CCDC33: variants seen among roughly 807,000 people sequenced by gnomAD.
The protein encoded by CCDC33 is coiled-coil domain containing 33, also known as coiled-coil domain-containing protein 33.
Under a neutral mutation model 91.9 loss-of-function variants are expected in CCDC33, and 94 were observed. The ratio of observed to expected loss-of-function variants is 1.02; its 90% CI spans 0.87 to 1.21. CCDC33 has a LOEUF of 1.21. CCDC33 is among the 50% of genes most tolerant of loss of function. The pLI is 0.00. For missense variants in CCDC33, 940 were observed against 935.5 expected, an observed-to-expected ratio of 1.00 and a Z score of -0.06; for synonymous variants, 396 against 374.5, an observed-to-expected ratio of 1.06 and a Z score of -0.66.
intron 5 of CCDC33, among the ~76,000 whole-genome samples, chr15:74,269,500 C>T (rs1056701563): frequency 6.6e-6 from 1 of 152,206 alleles, no homozygotes; most frequent in African/African-American, 2.4e-5. Flanking sequence ...CCTCTGCTCC[C>T]CGCCACCTTC....
upstream of CCDC33, among the ~76,000 whole-genome samples, chr15:74,232,372 C>T (rs2075005798): frequency 2.0e-5 from 3 of 152,152 alleles, no homozygotes; most frequent in Admixed American, 2.0e-4. Context: ...GCCTTGGGGG[C>T]TGGAACCTGT....
At chr15:74,238,548 A>C (rs1382083666) in intron 1 of CCDC33, among the ~76,000 whole-genome samples, 6 of 152,120 alleles carry the variant, frequency 3.9e-5, no homozygotes, top group Admixed American at 3.9e-4. Context: ...TAGGGATATT[A>C]ATCCTTTTTT....
intron 2 of CCDC33, among the ~76,000 whole-genome samples, chr15:74,251,147 G>T (rs760601142): frequency 6.6e-6 from 1 of 152,256 alleles, no homozygotes; most frequent in African/African-American, 2.4e-5. Context: ...GGCCTGCCTG[G>T]CTGGCTTGTG....
intron 4 of CCDC33, among the ~76,000 whole-genome samples, chr15:74,267,268 A>C (rs2076190104): frequency 6.6e-6 from 1 of 152,202 alleles, no homozygotes; most frequent in Non-Finnish European, 1.5e-5. Flanking sequence ...GGCAGAGTTG[A>C]GGGTGAGCCC....
intron 2 of CCDC33, among the ~76,000 whole-genome samples, chr15:74,221,758 GCTAA>G (rs1039566817): frequency 2.0e-4 from 31 of 152,272 alleles, no homozygotes; most frequent in South Asian, 4.2e-4. Flanking sequence ...CACCTAGAGG[GCTAA>G]CTATTTCCAG....
intron 3 of CCDC33, among the ~76,000 whole-genome samples, chr15:74,263,830 G>C (rs1031057686): frequency 6.6e-6 from 1 of 152,162 alleles, no homozygotes; most frequent in Non-Finnish European, 1.5e-5. Flanking sequence ...TTATATGTGT[G>C]TCTGGATGAA....
intron 11 of CCDC33, among the ~76,000 whole-genome samples, chr15:74,307,309 A>G (rs1218423558): frequency 6.6e-6 from 1 of 152,128 alleles, no homozygotes; most frequent in Admixed American, 6.5e-5. Flanking sequence ...TAATAACACT[A>G]AGTGTTCCCA....
At chr15:74,226,844 G>T (rs1483585468) in intron 2 of CCDC33, among the ~76,000 whole-genome samples, 5 of 151,114 alleles carry the variant, frequency 3.3e-5, no homozygotes, top group Admixed American at 1.3e-4. Context: ...AAAAAAAAAA[G>T]GTGGAGGACA....
chr15:74,268,276 A>T lies in CCDC33; in HGVS notation c.430-66A>T. Reference sequence around the variant, plus strand: ...TGATTGTCTGCAGAGGGCTGGATTTATGGCCAGGATCTGCCCCTTAGACAC... The same window carrying T: ...TGATTGTCTGCAGAGGGCTGGATTTTTGGCCAGGATCTGCCCCTTAGACAC... On this transcript the variant is annotated intron_variant, in intron 4 of 18. Coordinates refer to ENST00000398814, the MANE Select transcript of CCDC33 (RefSeq NM_025055.5). 4 of 1,147,902 alleles carry T rather than the reference A, an allele frequency of 3.5e-6. No homozygotes were observed. The South Asian group carries it at 3.7e-5, about 11-fold the overall frequency. 71.1% of individuals were successfully genotyped at this position (1,147,902 alleles called of 1,614,324 possible).
rs183733662 is a variant in CCDC33 at position 74,247,633 on chromosome 15, G to A, written c.185+3485G>A. Among the ~76,000 whole-genome samples, 4 of 152,296 alleles carry A rather than the reference G, an allele frequency of 2.6e-5. No individual in the cohort carries two copies. The East Asian group carries it at 7.7e-4, about 29-fold the overall frequency. The stretch of plus-strand genomic sequence containing the variant: ...CATAATCCCACTTAATGGAATCTAA[G>A]ATAAACTCATAGATGCAGAGAGTAG... On this transcript the variant is annotated intron_variant, in intron 2 of 18. Coordinates refer to ENST00000398814, the MANE Select transcript of CCDC33 (RefSeq NM_025055.5).
At chr15:74,237,986 GGT>G (rs1047080719) in intron 1 of CCDC33, among the ~76,000 whole-genome samples, 6 of 151,780 alleles carry the variant, frequency 4.0e-5, no homozygotes, top group Non-Finnish European at 8.8e-5. Context: ...AAATTAGCTG[GGT>G]GTGTTGGTGC....
intron 7 of CCDC33, among the ~76,000 whole-genome samples, chr15:74,279,669 TG>T (rs1210997014): frequency 6.6e-6 from 1 of 152,148 alleles, no homozygotes; most frequent in African/African-American, 2.4e-5. Context: ...CCTGGGTAGC[TG>T]GGATTACAGG....
chr15:74,234,383 C>T (rs993300962), upstream of CCDC33, among the ~76,000 whole-genome samples: 26 of 152,330 alleles, frequency 1.7e-4, no homozygotes, highest in African/African-American at 6.0e-4. Context: ...AGCAAGCCCA[C>T]TTCTCTGGGC....
In CCDC33 at chr15:74,243,989, C is replaced by T. The variant is rs1317765221; in HGVS notation, c.26C>T (p.Thr9Ile). The change falls in exon 2 of 19, where the codon ACT becomes ATT. Residue 9 changes from threonine (T) to isoleucine (I), a missense_variant. Coordinates refer to ENST00000398814, the MANE Select transcript of CCDC33 (RefSeq NM_025055.5). ...CAGCCCTGGCTCTCCCCACAGAACA[C>T]TGAAGACCCAGAGGAGCCCCTGATC... The part of the protein sequence containing the change: MGLKNKKN[T>I]EDPEEPLIAS... 3 of 1,611,112 alleles carry T rather than the reference C, an allele frequency of 1.9e-6. No individual in the cohort carries two copies. Among genetic ancestry groups the T allele is most frequent in the East Asian group, 2.2e-5 (1 of 44,836 alleles).
chr15:74,224,266 G>A (rs1341322116), intron 2 of CCDC33, among the ~76,000 whole-genome samples: 1 of 152,088 alleles, frequency 6.6e-6, no homozygotes, highest in Non-Finnish European at 1.5e-5. Context: ...TAAATACATC[G>A]TGATCACCCT....
chr15:74,216,391 G>A (rs1347048502), upstream of CCDC33, among the ~76,000 whole-genome samples: 1 of 150,694 alleles, frequency 6.6e-6, no homozygotes, highest in East Asian at 2.0e-4. Flanking sequence ...CAAACAGAAG[G>A]GATCTCCTGA....
intron 2 of CCDC33, among the ~76,000 whole-genome samples, chr15:74,253,431 C>T (rs1291236341): frequency 6.6e-6 from 1 of 152,174 alleles, no homozygotes; most frequent in Admixed American, 6.5e-5. Flanking sequence ...CGATTAGGCT[C>T]CTCCTACCCC....
intron 17 of CCDC33, 57 bp downstream of exon 17, chr15:74,334,024 C>A: frequency 1.4e-6 from 2 of 1,445,402 alleles, no homozygotes; most frequent in Non-Finnish European, 1.9e-6. Flanking sequence ...CAGCCTATAA[C>A]CAGGGCTCAG....
Position 74,331,276 on chromosome 15 carries a change from A to T in CCDC33, c.1751A>T (p.Gln584Leu). Residue 584 changes from glutamine to leucine, a missense_variant, in exon 15 of 19, where the codon CAG becomes CTG. Gln to Leu is a moderately radical substitution (Grantham distance 113). Transcript: ENST00000398814. ...DRSKPPPLNR[Q>L]QGKPYTGFPM... ...AGCAAGCCCCCTCCTCTGAACAGGC[A>T]GCAGGGAAAGCCCTACACGGGTGGG... 6.2e-7 allele frequency: 1 copy of T among 1,614,066 alleles called. No individual in the cohort carries two copies. Among genetic ancestry groups the T allele is most frequent in the Non-Finnish European group, 8.5e-7 (1 of 1,179,956 alleles).
Sources: gnomAD v4.1 joint callset for allele counts (sites outside exome capture counted in the v4.1 genomes callset) on GRCh38, gnomAD v4.1.1 for gene constraint, MANE v1.5 for transcripts, NCBI Gene and HGNC (gene_info 2026-07-23, HGNC 2026-07-21) for gene names.